Variants in UIMC1 observed in about 807,000 individuals in gnomAD.
UIMC1 encodes BRCA1-A complex subunit RAP80.
A neutral mutation model predicts 84.9 loss-of-function variants in UIMC1; 42 were observed. The observed-to-expected ratio is 0.49, with a 90% CI of 0.39 to 0.64. The LOEUF (loss-of-function observed/expected upper bound fraction) is 0.64, where lower values mean the gene tolerates loss of function less well. Ranked by LOEUF, UIMC1 falls within the 30% of genes least tolerant of loss-of-function variation. UIMC1 has a pLI of 0.00. For synonymous variants in UIMC1, 281 were observed against 293.0 expected (o/e 0.96, Z 0.42); for missense variants, 825 against 847.6 (o/e 0.97, Z 0.33).
chr5:176,991,919 G>A (rs1772915652), intron 1 of UIMC1, among the ~76,000 whole-genome samples: 6 of 151,930 alleles, frequency 3.9e-5, no homozygotes, highest in Admixed American at 2.6e-4. Context: ...GAGACAGAGC[G>A]AGACTCCGTT....
rs1216036755 is a variant in UIMC1 at position 176,951,516 on chromosome 5, TCTG to T, written c.1398_1400del (p.Ser466del). 6.3e-7 allele frequency: 1 copy of T among 1,584,484 alleles called. No individual in the cohort carries two copies. Among genetic ancestry groups the T allele is most frequent in the Non-Finnish European group, 8.6e-7 (1 of 1,167,046 alleles). On this transcript the variant is annotated inframe_deletion, in exon 9 of 15. Coordinates refer to ENST00000511320, the MANE Select transcript of UIMC1 (RefSeq NM_001199298.2). ...TTATTCTGACTCCATCCAAGATATC[TCTG>T]CTACCTGGAGAGACTTCTCTTTCAA...
At chr5:177,006,976 A>G (rs192808007), upstream of UIMC1, among the ~76,000 whole-genome samples, 1 of 152,322 alleles carries the variant, frequency 6.6e-6, no homozygotes, top group Admixed American at 6.5e-5. Flanking sequence ...TAGAACGGCC[A>G]CTTTTGAGGA....
At chr5:176,951,644 C>T (rs1266002089) in intron 8 of UIMC1, 67 bp from the exon 9 acceptor site, 1 of 1,231,348 alleles carries the variant, frequency 8.1e-7, no homozygotes, top group Non-Finnish European at 1.1e-6. Context: ...AAAAAACAAA[C>T]ATGCCTATTT....
intron 10 of UIMC1, among the ~76,000 whole-genome samples, chr5:176,922,874 T>C (rs1761874917): frequency 6.6e-6 from 1 of 152,246 alleles, no homozygotes; most frequent in Non-Finnish European, 1.5e-5. Flanking sequence ...GTGCACCTCT[T>C]AAGAGAACAG....
chr5:176,914,742 G>C (rs757595082), intron 10 of UIMC1, among the ~76,000 whole-genome samples: 13 of 152,144 alleles, frequency 8.5e-5, no homozygotes, highest in Non-Finnish European at 8.8e-5. Flanking sequence ...CTAGAAGCGG[G>C]GAATCAGATT....
Position 176,934,584 on chromosome 5 carries a change from T to A in UIMC1, c.1597+8751A>T, listed in dbSNP as rs570621477. Among the ~76,000 whole-genome samples, 22 of 152,326 alleles carry A rather than the reference T, an allele frequency of 1.4e-4. 1 individual carries two copies. In the South Asian group the frequency reaches 3.5e-3, roughly 24 times the overall value. On this transcript the variant is annotated intron_variant, in intron 10 of 14. Coordinates refer to ENST00000511320, the MANE Select transcript of UIMC1 (RefSeq NM_001199298.2). ...GACTTGTGACGTGAGGAGAAAGAAA[T>A]CCCACGTGTTAAACCCACTGTTAAT...
chr5:176,950,102 T>TTC (rs1253576691), intron 9 of UIMC1, among the ~76,000 whole-genome samples: 13 of 139,936 alleles, frequency 9.3e-5, no homozygotes, highest in African/African-American at 3.4e-4. Flanking sequence ...GAACCTTTCT[T>TTC]TTTTTTTTTT....
At chr5:176,970,939 T>A (rs1424194058) in intron 3 of UIMC1, 73 bp from the exon 4 acceptor site, 1 of 1,543,470 alleles carries the variant, frequency 6.5e-7, no homozygotes, top group Non-Finnish European at 8.7e-7. Context: ...AGAAAGAGAA[T>A]TATTAAACTT....
rs570516436 is a variant in UIMC1, at chr5:176,982,033, T to C, written c.147+436A>G. Among the ~76,000 whole-genome samples the C allele has an allele frequency of 1.3e-3, 192 of 152,348 alleles. 2 individuals are homozygous for C. Among genetic ancestry groups the C allele is most frequent in the African/African-American group, 4.4e-3 (184 of 41,592 alleles). ...ACTAGCCTTATGTGTCTTTAATCACTTGAAATGTGACTAGTGCAACAGAGA... is the reference window on the plus strand; with the variant it reads ...ACTAGCCTTATGTGTCTTTAATCACCTGAAATGTGACTAGTGCAACAGAGA... On this transcript the variant is annotated intron_variant, in intron 2 of 14. Coordinates refer to ENST00000511320, the MANE Select transcript of UIMC1 (RefSeq NM_001199298.2).
Position 176,905,504 on chromosome 5 carries a change from G to C in UIMC1, c.1950-12C>G. 6.2e-7 allele frequency: 1 copy of C among 1,607,832 alleles called. No individual in the cohort carries two copies. The highest frequency in any genetic ancestry group is 8.5e-7 in the Non-Finnish European group (1 of 1,178,364). On this transcript the variant is annotated splice_polypyrimidine_tract_variant and intron_variant, in intron 14 of 14. Coordinates refer to ENST00000511320, the MANE Select transcript of UIMC1 (RefSeq NM_001199298.2). ...CTGGTGAAGGCACCCTAGAGAGAAGGAAAAAAATTCAGATTCAATATACAC... is the reference window on the plus strand; with the variant it reads ...CTGGTGAAGGCACCCTAGAGAGAAGCAAAAAAATTCAGATTCAATATACAC...
chr5:176,916,582 AC>A (rs1277279976), intron 10 of UIMC1, among the ~76,000 whole-genome samples: 3 of 152,174 alleles, frequency 2.0e-5, no homozygotes, highest in Admixed American at 6.5e-5. Flanking sequence ...ACTGCATTTA[AC>A]CTTAATGAGT....
intron 13 of UIMC1, 30 bp from the exon 14 acceptor site, chr5:176,906,077 T>A (rs1759326997): frequency 2.5e-6 from 4 of 1,607,298 alleles, no homozygotes; most frequent in South Asian, 1.1e-5. Context: ...ATAATAATGT[T>A]GGTAGTAGTG....
At chr5:177,012,992 G>A (rs1348684319) in intron 1 of UIMC1, among the ~76,000 whole-genome samples, 1 of 151,138 alleles carries the variant, frequency 6.6e-6, no homozygotes, top group Non-Finnish European at 1.5e-5. Context: ...CAGGCAGGAG[G>A]ATTGCTTGAG....
intron 10 of UIMC1, among the ~76,000 whole-genome samples, chr5:176,942,986 T>C (rs1281979332): frequency 6.6e-6 from 1 of 151,806 alleles, no homozygotes; most frequent in Non-Finnish European, 1.5e-5. Flanking sequence ...CGTTTGAACC[T>C]GGGAGGCGGA....
chr5:176,976,809 G>GTT (rs1581611245), intron 2 of UIMC1, among the ~76,000 whole-genome samples: 1 of 152,238 alleles, frequency 6.6e-6, no homozygotes, highest in South Asian at 2.1e-4. Context: ...ATGAAAATGG[G>GTT]TTTTTTCTGG....
chr5:176,938,807 T>C (rs1336369566), intron 10 of UIMC1, among the ~76,000 whole-genome samples: 4 of 152,164 alleles, frequency 2.6e-5, no homozygotes, highest in African/African-American at 9.7e-5. Context: ...TCAGGGACAT[T>C]TACTTGGGTA....
At chr5:176,997,252 C>T (rs1318204013) in intron 1 of UIMC1, among the ~76,000 whole-genome samples, 2 of 152,128 alleles carry the variant, frequency 1.3e-5, no homozygotes, top group African/African-American at 4.8e-5. Flanking sequence ...CTATCACCAT[C>T]CAAGCTACCA....
chr5:176,971,582 G>A (rs1769202926), intron 3 of UIMC1, among the ~76,000 whole-genome samples: 1 of 152,184 alleles, frequency 6.6e-6, no homozygotes, highest in Admixed American at 6.5e-5. Flanking sequence ...GATAATGAAT[G>A]CAATGCTTTA....
chr5:176,969,661 C>T lies in UIMC1; in HGVS notation c.403G>A (p.Ala135Thr). ...DASATRSRPL[A>T]TGPSSQSHQE... ...TGGGACTGGGAAGACGGTCCAGTGG[C>T]CAGAGGTCGAGATCTGGTAGCGGAA... Residue 135 changes from alanine (A) to threonine (T), a missense_variant, in exon 5 of 15, where the codon GCC (alanine) becomes ACC (threonine). By Grantham distance (58) the Ala-to-Thr change is moderately conservative (BLOSUM62 0). Coordinates refer to ENST00000511320, the MANE Select transcript of UIMC1 (RefSeq NM_001199298.2). 6.2e-7 allele frequency: 1 copy of T among 1,614,008 alleles called. No individual in the cohort carries two copies.
Sources: gnomAD v4.1 joint callset for allele counts (sites outside exome capture counted in the v4.1 genomes callset) on GRCh38, gnomAD v4.1.1 for gene constraint, MANE v1.5 for transcripts, NCBI Gene and HGNC (gene_info 2026-07-23, HGNC 2026-07-21) for gene names.